The following PCLO variants were observed in gnomAD, a reference collection of about 807,000 sequenced individuals.
PCLO encodes piccolo presynaptic cytomatrix protein, also known as protein piccolo.
A neutral mutation model predicts 427.5 loss-of-function variants in PCLO; 82 were observed. That is an observed-to-expected ratio of 0.19 (90% CI 0.16 to 0.23). The LOEUF is 0.23. PCLO is among the 10% of genes least tolerant of loss of function. The pLI, the probability that PCLO is intolerant of heterozygous loss-of-function variation, is 1.00. For synonymous variants in PCLO, 2,357 were observed against 2,155.4 expected, an observed-to-expected ratio of 1.09 and a Z score of -2.59; for missense variants, 6,239 against 6,115.9, an observed-to-expected ratio of 1.02 and a Z score of -0.67.
At chr7:82,988,744 T>A (rs982010793) in intron 3 of PCLO, among the ~76,000 whole-genome samples, 5 of 152,184 alleles carry the variant, frequency 3.3e-5, no homozygotes, top group Admixed American at 6.5e-5. Context: ...AATCTATTTG[T>A]AACACTTATT....
At chr7:82,816,340 G>A (rs1167163365) in intron 20 of PCLO, among the ~76,000 whole-genome samples, 2 of 151,908 alleles carry the variant, frequency 1.3e-5, no homozygotes, top group African/African-American at 4.8e-5. Context: ...CATATCCCTG[G>A]TTCCATGATC....
At chr7:83,040,235 A>G (rs1788938801) in intron 3 of PCLO, among the ~76,000 whole-genome samples, 1 of 152,134 alleles carries the variant, frequency 6.6e-6, no homozygotes, top group African/African-American at 2.4e-5. Flanking sequence ...CTACTTGTTC[A>G]GTGGCTGGTT....
chr7:82,995,923 A>G (rs552400394), intron 3 of PCLO, among the ~76,000 whole-genome samples: 62 of 151,946 alleles, frequency 4.1e-4, no homozygotes, highest in Non-Finnish European at 7.5e-4. Context: ...GGAAGAATCC[A>G]ATAAAGGAGA....
intron 3 of PCLO, among the ~76,000 whole-genome samples, chr7:82,996,609 G>A (rs759064318): frequency 2.0e-5 from 3 of 151,952 alleles, no homozygotes; most frequent in Non-Finnish European, 4.4e-5. Flanking sequence ...TGTAAGCCCT[G>A]CCATACACAT....
intron 3 of PCLO, among the ~76,000 whole-genome samples, chr7:83,070,629 C>T (rs548065671): frequency 1.1e-4 from 17 of 152,226 alleles, no homozygotes; most frequent in Middle Eastern, 3.4e-3. Context: ...CCTTGTGATC[C>T]GCCCGCCTCG....
Position 82,949,925 on chromosome 7 carries a change from C to T in PCLO, c.10663G>A (p.Ala3555Thr), listed in dbSNP as rs1327340947. Reference protein sequence around the residue: ...AKVEIIKHISAPEKTYKGGSL... With the variant: ...AKVEIIKHISTPEKTYKGGSL... The stretch of plus-strand genomic sequence containing the variant: ...CCCCCTTTGTAAGTCTTTTCAGGTG[C>T]TGAAATGTGTTTAATTATTTCTACC... The change falls in exon 6 of 25, where the codon GCA becomes ACA. Residue 3555 changes from alanine to threonine, a missense_variant. Transcript: ENST00000333891. 1.2e-6 allele frequency: 2 copies of T among 1,613,650 alleles called. No homozygotes were observed. The highest frequency in any genetic ancestry group is 3.3e-5 in the Admixed American group (2 of 59,970).
At chr7:82,944,922 A>C (rs1165596038) in intron 6 of PCLO, among the ~76,000 whole-genome samples, 1 of 152,210 alleles carries the variant, frequency 6.6e-6, no homozygotes, top group Non-Finnish European at 1.5e-5. Flanking sequence ...TCTCTTACAT[A>C]AAATATTCCA....
At chr7:82,800,806 C>T (rs561027532) in intron 22 of PCLO, among the ~76,000 whole-genome samples, 7 of 151,926 alleles carry the variant, frequency 4.6e-5, no homozygotes, top group East Asian at 2.0e-4. Context: ...ATGTTGGTCT[C>T]GAACTCCTGA....
rs903701503 is a variant in PCLO, at chr7:83,025,657, T to G, written c.3301-59170A>C. 9.3e-3 allele frequency among the ~76,000 whole-genome samples: 1,398 copies of G among 150,898 alleles called. 30 individuals carry two copies. Among genetic ancestry groups the G allele is most frequent in the African/African-American group, 0.031 (1,265 of 41,414 alleles). Reference sequence around the variant, plus strand: ...AACTCCAAGACACATAATTGTCAGATTCACCAAAGTTGAAATGAAGGAAAA... The same window carrying G: ...AACTCCAAGACACATAATTGTCAGAGTCACCAAAGTTGAAATGAAGGAAAA... On this transcript the variant is annotated intron_variant, in intron 3 of 24. Coordinates refer to ENST00000333891, the MANE Select transcript of PCLO (RefSeq NM_033026.6).
rs765088404 is a variant in PCLO at position 83,135,259 on chromosome 7, G to A, written c.2291C>T (p.Thr764Ile). Residue 764 changes from threonine (T) to isoleucine (I), a missense_variant, in exon 3 of 25, where the codon ACT (threonine) becomes ATT (isoleucine). Coordinates refer to ENST00000333891, the MANE Select transcript of PCLO (RefSeq NM_033026.6). ...TGCTGATGATGAAGATACAAGGTCA[G>A]TGGTTGGCTTTACCATCTTGGGCTG... ...PKQPKMVKPTTDLVSSSSATT... is the reference protein window; with the variant it reads ...PKQPKMVKPTIDLVSSSSATT... 18 of 1,613,800 alleles carry A rather than the reference G, an allele frequency of 1.1e-5. No individual in the cohort carries two copies. The highest frequency in any genetic ancestry group is 1.4e-5 in the Non-Finnish European group (17 of 1,179,884).
intron 4 of PCLO, among the ~76,000 whole-genome samples, chr7:82,959,874 C>T (rs79160228): frequency 0.018 from 2,801 of 152,134 alleles, 98 homozygotes; most frequent in African/African-American, 0.064. Flanking sequence ...TTTCCTTTCC[C>T]TTCCAATAAC....
At chr7:82,815,353 G>A (rs1283784128) in intron 20 of PCLO, among the ~76,000 whole-genome samples, 1 of 151,924 alleles carries the variant, frequency 6.6e-6, no homozygotes, top group Non-Finnish European at 1.5e-5. Context: ...GAAGCAAAAT[G>A]GTGATTCAAT....
intron 14 of PCLO, among the ~76,000 whole-genome samples, chr7:82,839,368 T>A (rs569047528): frequency 6.6e-6 from 1 of 152,168 alleles, no homozygotes; most frequent in Admixed American, 6.6e-5. Context: ...ATGTTTCCTG[T>A]CAGAAAATAC....
intron 22 of PCLO, among the ~76,000 whole-genome samples, chr7:82,793,525 G>A (rs920852432): frequency 6.6e-6 from 1 of 152,138 alleles, no homozygotes; most frequent in African/African-American, 2.4e-5. Context: ...CAGGGCCCTG[G>A]AAGTATTGAA....
intron 3 of PCLO, among the ~76,000 whole-genome samples, chr7:83,084,730 A>C (rs1330597857): frequency 3.3e-5 from 5 of 152,210 alleles, no homozygotes; most frequent in African/African-American, 4.8e-5. Context: ...TAAAAAACAA[A>C]GAAATTTTAA....
At chr7:83,022,072 T>C (rs1012188667) in intron 3 of PCLO, among the ~76,000 whole-genome samples, 5 of 152,252 alleles carry the variant, frequency 3.3e-5, no homozygotes. Context: ...GGTTAAGAGG[T>C]AAGGCCTTTT....
chr7:82,852,084 G>T (rs1409518129), intron 10 of PCLO, among the ~76,000 whole-genome samples: 1 of 151,778 alleles, frequency 6.6e-6, no homozygotes, highest in East Asian at 1.9e-4. Context: ...AGGAAGGGGG[G>T]AATCTTTGGT....
At chr7:83,131,458 G>A (rs1261758138) in intron 3 of PCLO, among the ~76,000 whole-genome samples, 2 of 152,018 alleles carry the variant, frequency 1.3e-5, no homozygotes, top group Admixed American at 6.6e-5. Context: ...AAAATATGAC[G>A]AGCTCTTCTC....
intron 22 of PCLO, 116 bp downstream of exon 22, chr7:82,801,402 T>G: frequency 1.6e-6 from 1 of 607,714 alleles, no homozygotes; most frequent in Non-Finnish European, 3.0e-6. Context: ...TTACTACCTA[T>G]TGCTTTTGCC....
Sources: allele counts gnomAD v4.1 joint callset (sites outside exome capture counted in the v4.1 genomes callset), GRCh38; gene constraint gnomAD v4.1.1; transcripts MANE v1.5; gene names NCBI Gene and HGNC (gene_info 2026-07-23, HGNC 2026-07-21).